Variants in PCED1B observed in about 807,000 individuals in gnomAD.
PCED1B encodes the protein PC-esterase domain-containing protein 1B.
For missense variants in PCED1B, 573 were observed against 573.9 expected, an observed-to-expected ratio of 1.00 and a Z score of 0.02; for synonymous variants, 251 against 246.1, an observed-to-expected ratio of 1.02 and a Z score of -0.19.
Position 47,089,116 on chromosome 12 carries a change from G to A in PCED1B, c.-609+9391G>A, listed in dbSNP as rs185417651. Among the ~76,000 whole-genome samples the A allele has an allele frequency of 1.8e-3, 279 of 152,078 alleles. 2 individuals are homozygous for A. The highest frequency in any genetic ancestry group is 6.4e-3 in the African/African-American group (265 of 41,492). On this transcript the variant is annotated intron_variant, in intron 1 of 3. Coordinates refer to ENST00000546455, the MANE Select transcript of PCED1B (RefSeq NM_138371.3). ...GAAACTTGATATTTTTGGTGTCCCA[G>A]GGCTAATTTTACACATGGAGAGGGA...
At chr12:47,129,611 G>GA (rs1236526035) in intron 2 of PCED1B, among the ~76,000 whole-genome samples, 1 of 151,710 alleles carries the variant, frequency 6.6e-6, no homozygotes, top group African/African-American at 2.4e-5. Context: ...TTTTTTTAAA[G>GA]AAAAAAAAGA....
In PCED1B at chr12:47,216,244, A is replaced by G. The variant is rs556067873; in HGVS notation, c.-503A>G. 4 of 152,274 alleles carry G rather than the reference A, an allele frequency of 2.6e-5. No homozygotes were observed. In the South Asian group the frequency reaches 8.3e-4, roughly 32 times the overall value. The allele number at this position is 152,274 out of a possible 1,614,324, so 9.4% of individuals were successfully genotyped here. A position where few individuals can be genotyped will look rare whatever the true frequency, so the allele number is the denominator to read the frequency against. On this transcript the variant is annotated 5_prime_UTR_variant, in exon 3 of 4. Coordinates refer to ENST00000546455, the MANE Select transcript of PCED1B (RefSeq NM_138371.3). ...CAGCCGTGAACATACCACACCAGCA[A>G]GAACAATAAGAGCCAAGGGTCTGAA... is the stretch of plus-strand genomic sequence containing the variant.
At chr12:47,104,490 A>G (rs1233026908) in intron 2 of PCED1B, among the ~76,000 whole-genome samples, 1 of 152,198 alleles carries the variant, frequency 6.6e-6, no homozygotes, top group African/African-American at 2.4e-5. Flanking sequence ...TGTGTTAATT[A>G]TATTATCATT....
chr12:47,085,714 C>T (rs1937947368), intron 1 of PCED1B, among the ~76,000 whole-genome samples: 1 of 152,066 alleles, frequency 6.6e-6, no homozygotes, highest in Non-Finnish European at 1.5e-5. Flanking sequence ...TGTACCTGTG[C>T]CATAACAGTG....
At chr12:47,204,059 C>G (rs1942846433) in intron 2 of PCED1B, among the ~76,000 whole-genome samples, 1 of 152,186 alleles carries the variant, frequency 6.6e-6, no homozygotes, top group Non-Finnish European at 1.5e-5. Context: ...GATCCTCTAC[C>G]TCAGCCTCCC....
In PCED1B at chr12:47,182,368, C is replaced by A. The variant is rs555830175; in HGVS notation, c.-525-33854C>A. Among the ~76,000 whole-genome samples the A allele has an allele frequency of 1.1e-4, 17 of 152,044 alleles. No homozygotes were observed. The South Asian group carries it at 3.5e-3, about 32-fold the overall frequency. On this transcript the variant is annotated intron_variant, in intron 2 of 3. Coordinates refer to ENST00000546455, the MANE Select transcript of PCED1B (RefSeq NM_138371.3). ...CAGCACGTTGGGAGGCTGAGGCAGG[C>A]GGATCACAAGGTCAGGCCTTTGAGA...
chr12:47,128,511 A>G (rs2137342057), intron 2 of PCED1B, among the ~76,000 whole-genome samples: 1 of 152,320 alleles, frequency 6.6e-6, no homozygotes, highest in Non-Finnish European at 1.5e-5. Context: ...CTGCTAAGCA[A>G]GAAAAGAAAG....
At chr12:47,166,189 C>T (rs909048339) in intron 2 of PCED1B, among the ~76,000 whole-genome samples, 1 of 152,172 alleles carries the variant, frequency 6.6e-6, no homozygotes, top group African/African-American at 2.4e-5. Context: ...AGGGTAAGAG[C>T]TTAACTTTGA....
intron 2 of PCED1B, among the ~76,000 whole-genome samples, chr12:47,187,223 AG>A (rs1430557867): frequency 6.6e-6 from 1 of 152,242 alleles, no homozygotes; most frequent in Non-Finnish European, 1.5e-5. Context: ...GGATAGCTCC[AG>A]GGTAAGAAGT....
chr12:47,166,601 G>A (rs1040681621), intron 2 of PCED1B, among the ~76,000 whole-genome samples: 1 of 152,180 alleles, frequency 6.6e-6, no homozygotes, highest in Non-Finnish European at 1.5e-5. Flanking sequence ...CCAGTCTTAT[G>A]AGAGAATTTG....
chr12:47,176,462 TG>T (rs1416711534), intron 2 of PCED1B, among the ~76,000 whole-genome samples: 1 of 152,188 alleles, frequency 6.6e-6, no homozygotes, highest in Non-Finnish European at 1.5e-5. Flanking sequence ...CCCCATCCTC[TG>T]GGGTTCAGAG....
intron 3 of PCED1B, among the ~76,000 whole-genome samples, chr12:47,225,920 C>A (rs1427818142): frequency 6.6e-6 from 1 of 151,954 alleles, no homozygotes; most frequent in Non-Finnish European, 1.5e-5. Flanking sequence ...ATAATTATTA[C>A]AAAACATTAA....
chr12:47,099,254 G>T (rs1427343874), intron 1 of PCED1B, among the ~76,000 whole-genome samples: 1 of 152,182 alleles, frequency 6.6e-6, no homozygotes, highest in Non-Finnish European at 1.5e-5. Flanking sequence ...ACCATTTTGG[G>T]CATCAGTTGT....
chr12:47,230,741 C>T (rs1156954564), intron 3 of PCED1B, among the ~76,000 whole-genome samples: 1 of 152,164 alleles, frequency 6.6e-6, no homozygotes, highest in East Asian at 1.9e-4. Context: ...CTCGCCTGGC[C>T]AACATACCAT....
chr12:47,135,288 A>T (rs1445768682), intron 2 of PCED1B, among the ~76,000 whole-genome samples: 1 of 152,178 alleles, frequency 6.6e-6, no homozygotes, highest in African/African-American at 2.4e-5. Flanking sequence ...AAGAAAGTTA[A>T]TTTTTTTATT....
chr12:47,131,843 A>G (rs924882421), intron 2 of PCED1B, among the ~76,000 whole-genome samples: 6 of 151,616 alleles, frequency 4.0e-5, no homozygotes, highest in African/African-American at 1.5e-4. Context: ...TAATTTTTGT[A>G]TTTTTAGTAG....
intron 2 of PCED1B, chr12:47,135,498 T>C: frequency 2.1e-6 from 1 of 469,054 alleles, no homozygotes; most frequent in Non-Finnish European, 4.3e-6. Flanking sequence ...ATCGAGAGAC[T>C]TGGAAGATCA....
chr12:47,108,815 A>G (rs1374230839), intron 2 of PCED1B, among the ~76,000 whole-genome samples: 1 of 152,196 alleles, frequency 6.6e-6, no homozygotes, highest in African/African-American at 2.4e-5. Flanking sequence ...CTGTACTTCT[A>G]GCAGTTTGGG....
At chr12:47,176,956 C>A (rs1472746974) in intron 2 of PCED1B, among the ~76,000 whole-genome samples, 1 of 152,148 alleles carries the variant, frequency 6.6e-6, no homozygotes, top group Non-Finnish European at 1.5e-5. Context: ...GAAGTCAAAA[C>A]TATCTCCAGT....
Sources: gnomAD v4.1 joint callset for allele counts (sites outside exome capture counted in the v4.1 genomes callset) on GRCh38, gnomAD v4.1.1 for gene constraint, MANE v1.5 for transcripts, NCBI Gene and HGNC (gene_info 2026-07-23, HGNC 2026-07-21) for gene names.